Variants in SGCZ observed in about 807,000 individuals in gnomAD.
The protein encoded by SGCZ is zeta-sarcoglycan.
In SGCZ, 40 loss-of-function variants were observed where a neutral mutation model predicts 41.3. The observed-to-expected ratio is 0.97, with a 90% confidence interval of 0.75 to 1.26. The LOEUF (loss-of-function observed/expected upper bound fraction) is 1.26. Among genes scored for constraint, SGCZ ranks in the 50% most tolerant of loss-of-function variants. The pLI, the probability that SGCZ is intolerant of heterozygous loss-of-function variation, is 0.00. For missense variants in SGCZ, 552 were observed against 369.8 expected (o/e 1.49, Z -4.04); for synonymous variants, 206 against 137.5 (o/e 1.50, Z -3.49).
intron 1 of SGCZ, among the ~76,000 whole-genome samples, chr8:14,728,259 G>C (rs1185528465): frequency 6.6e-6 from 1 of 150,712 alleles, no homozygotes. Context: ...GGACTTAATT[G>C]TTGAAAAAGC....
intron 1 of SGCZ, among the ~76,000 whole-genome samples, chr8:14,615,597 T>C (rs988291360): frequency 6.6e-6 from 1 of 152,220 alleles, no homozygotes; most frequent in Non-Finnish European, 1.5e-5. Context: ...TGATGGATCC[T>C]AAAAGATTTT....
intron 1 of SGCZ, among the ~76,000 whole-genome samples, chr8:14,894,918 A>T (rs980493107): frequency 5.9e-5 from 9 of 152,176 alleles, no homozygotes; most frequent in Non-Finnish European, 8.8e-5. Flanking sequence ...ATATTAAAAA[A>T]TTTGATTTAT....
At chr8:14,413,839 G>A (rs10109185) in intron 2 of SGCZ, among the ~76,000 whole-genome samples, 36,438 of 151,524 alleles carry the variant, frequency 0.24, 4,524 homozygotes, top group Non-Finnish European at 0.29. Flanking sequence ...ATAAATCCTA[G>A]GAGAACAGAA....
chr8:14,654,206 T>A (rs967812816), intron 1 of SGCZ, among the ~76,000 whole-genome samples: 1 of 150,808 alleles, frequency 6.6e-6, no homozygotes, highest in Non-Finnish European at 1.5e-5. Context: ...AAATAATGGG[T>A]AACATATGAC....
At chr8:14,778,941 C>G (rs1479166762) in intron 1 of SGCZ, among the ~76,000 whole-genome samples, 1 of 152,202 alleles carries the variant, frequency 6.6e-6, no homozygotes, top group Non-Finnish European at 1.5e-5. Context: ...TAGTCTCACA[C>G]TCCATGACCT....
chr8:14,778,439 A>G (rs1800480103), intron 1 of SGCZ, among the ~76,000 whole-genome samples: 1 of 152,188 alleles, frequency 6.6e-6, no homozygotes, highest in Non-Finnish European at 1.5e-5. Context: ...AAAACAGTCC[A>G]TAGTTTTCAT....
chr8:14,159,015 C>T (rs922653634), intron 5 of SGCZ, among the ~76,000 whole-genome samples: 1 of 152,132 alleles, frequency 6.6e-6, no homozygotes, highest in African/African-American at 2.4e-5. Flanking sequence ...ATGATCTGCC[C>T]TCCTTGGCCT....
At chr8:15,006,746 G>A (rs552869920) in intron 1 of SGCZ, among the ~76,000 whole-genome samples, 7 of 152,134 alleles carry the variant, frequency 4.6e-5, no homozygotes, top group African/African-American at 1.7e-4. Flanking sequence ...TTACATTTTT[G>A]GCCCATTGAT....
At chr8:14,961,807 G>A (rs577789412) in intron 1 of SGCZ, among the ~76,000 whole-genome samples, 1 of 152,022 alleles carries the variant, frequency 6.6e-6, no homozygotes, top group Non-Finnish European at 1.5e-5. Flanking sequence ...TAAGCAGTTG[G>A]GTAGTACAGG....
intron 2 of SGCZ, among the ~76,000 whole-genome samples, chr8:14,498,351 G>T (rs1324038245): frequency 6.6e-6 from 1 of 151,872 alleles, no homozygotes. Flanking sequence ...TATTTTGTTG[G>T]GTTCCTTCAG....
intron 7 of SGCZ, among the ~76,000 whole-genome samples, chr8:14,094,699 AG>A (rs1373845286): frequency 1.3e-5 from 2 of 152,244 alleles, no homozygotes; most frequent in East Asian, 3.9e-4. Context: ...TAGATCCTTG[AG>A]GAATCTCCGC....
intron 2 of SGCZ, among the ~76,000 whole-genome samples, chr8:14,352,134 A>C (rs1002451590): frequency 3.3e-5 from 5 of 152,110 alleles, no homozygotes; most frequent in African/African-American, 1.2e-4. Flanking sequence ...ATTAAGAATG[A>C]AATGCATCTT....
At chr8:14,327,006 GT>G (rs1361983041) in intron 2 of SGCZ, among the ~76,000 whole-genome samples, 1 of 152,086 alleles carries the variant, frequency 6.6e-6, no homozygotes, top group Non-Finnish European at 1.5e-5. Flanking sequence ...AAAAATAGAT[GT>G]TTTCAAATGA....
At chr8:14,928,041 A>G (rs1799810493) in intron 1 of SGCZ, among the ~76,000 whole-genome samples, 1 of 152,174 alleles carries the variant, frequency 6.6e-6, no homozygotes, top group Admixed American at 6.5e-5. Flanking sequence ...AGCATCTGCC[A>G]GAGGCCTCTG....
intron 7 of SGCZ, among the ~76,000 whole-genome samples, chr8:14,093,389 T>C (rs1267521196): frequency 6.6e-6 from 1 of 152,082 alleles, no homozygotes; most frequent in South Asian, 2.1e-4. Context: ...CACACTTCAA[T>C]TGGATCCTGA....
At chr8:14,128,368 C>A (rs572116576) in intron 5 of SGCZ, among the ~76,000 whole-genome samples, 2 of 152,112 alleles carry the variant, frequency 1.3e-5, no homozygotes, top group Non-Finnish European at 2.9e-5. Flanking sequence ...CATTTTACAC[C>A]GTTCGGAACA....
At chr8:14,315,365 A>G (rs919335936) in intron 3 of SGCZ, among the ~76,000 whole-genome samples, 1 of 152,112 alleles carries the variant, frequency 6.6e-6, no homozygotes, top group African/African-American at 2.4e-5. Flanking sequence ...TAATTTGGTA[A>G]CCAAAACAGA....
intron 1 of SGCZ, among the ~76,000 whole-genome samples, chr8:15,215,385 TAAAC>T (rs775486720): frequency 6.6e-6 from 1 of 152,160 alleles, no homozygotes; most frequent in African/African-American, 2.4e-5. Flanking sequence ...GAATATAACA[TAAAC>T]AATCAAAATC....
At position 14,527,383 on chromosome 8, in the gene SGCZ, C is replaced by A. The variant is rs533054976; in HGVS notation, c.234+27349G>T. On this transcript the variant is annotated intron_variant, in intron 2 of 7. Transcript: ENST00000382080. ...GTGGCGCGATTATGGCTCACTGCAA[C>A]CTCAAACTCCTGGGCTCAAGCAGTC... Among the ~76,000 whole-genome samples the A allele has an allele frequency of 3.9e-5, 6 of 152,254 alleles. No homozygotes were observed. In the South Asian group the frequency reaches 1.2e-3, roughly 32 times the overall value.
Sources: allele counts gnomAD v4.1 joint callset (sites outside exome capture counted in the v4.1 genomes callset), GRCh38; gene constraint gnomAD v4.1.1; transcripts MANE v1.5; gene names NCBI Gene and HGNC (gene_info 2026-07-23, HGNC 2026-07-21).